EPB41L2: variants seen among roughly 807,000 people sequenced by gnomAD.
EPB41L2 encodes the protein erythrocyte membrane protein band 4.1 like 2.
A neutral mutation model predicts 113.0 loss-of-function variants in EPB41L2; 43 were observed. The ratio of observed to expected loss-of-function variants is 0.38; its 90% CI spans 0.30 to 0.49. The LOEUF is 0.49. EPB41L2 is among the 20% of genes least tolerant of loss of function. The probability of loss-of-function intolerance (pLI) is 0.95; values close to 1 mark genes in which losing one functional copy is unlikely to be tolerated. For synonymous variants in EPB41L2, 442 were observed against 436.7 expected, an observed-to-expected ratio of 1.01 and a Z score of -0.15; for missense variants, 1,147 against 1,223.4, an observed-to-expected ratio of 0.94 and a Z score of 0.93.
At chr6:131,006,778 AC>A (rs2128720183) in intron 1 of EPB41L2, among the ~76,000 whole-genome samples, 1 of 152,032 alleles carries the variant, frequency 6.6e-6, no homozygotes, top group South Asian at 2.1e-4. Context: ...CCTGCCCTAG[AC>A]CTATTACTCT....
At chr6:130,965,079 C>T (rs770966558) in intron 1 of EPB41L2, among the ~76,000 whole-genome samples, 9 of 152,106 alleles carry the variant, frequency 5.9e-5, no homozygotes, top group Non-Finnish European at 1.3e-4. Context: ...AATGGACCAC[C>T]CCTCATGAAT....
At chr6:130,852,124 G>A (rs1194862856) in intron 19 of EPB41L2, among the ~76,000 whole-genome samples, 4 of 152,124 alleles carry the variant, frequency 2.6e-5, no homozygotes, top group African/African-American at 4.8e-5. Flanking sequence ...GTTCATGGCC[G>A]ACCTTGTAAG....
At chr6:130,908,904 G>C (rs1321336750) in intron 4 of EPB41L2, 41 bp from the exon 5 acceptor site, 1 of 1,471,746 alleles carries the variant, frequency 6.8e-7, no homozygotes, top group East Asian at 2.3e-5. Flanking sequence ...AAATATTCTA[G>C]AGTCTAAAAT....
chr6:131,059,059 A>T, intron 1 of EPB41L2, among the ~76,000 whole-genome samples: 1 of 150,554 alleles, frequency 6.6e-6, no homozygotes, highest in Admixed American at 6.7e-5. Context: ...ACTATAAATC[A>T]TTTCTAGATG....
rs534900702 is a variant in EPB41L2 at position 130,902,465 on chromosome 6, G to A, written c.930-1285C>T. On this transcript the variant is annotated intron_variant, in intron 6 of 19. Transcript: ENST00000337057. ...AGGGCTTGCCACATGACAAGTGCTC[G>A]GTAATTGAGAGACTGAAAGTCTTCT... Among the ~76,000 whole-genome samples the A allele has an allele frequency of 7.2e-5, 11 of 152,284 alleles. No homozygotes were observed. In the South Asian group the frequency reaches 1.2e-3, roughly 17 times the overall value.
intron 14 of EPB41L2, among the ~76,000 whole-genome samples, chr6:130,874,543 A>G (rs1178219435): frequency 1.3e-5 from 2 of 152,200 alleles, no homozygotes; most frequent in Non-Finnish European, 2.9e-5. Context: ...ATGTTATTTA[A>G]AGAAAAACAA....
intron 3 of EPB41L2, among the ~76,000 whole-genome samples, chr6:130,937,469 G>A (rs1205776119): frequency 2.0e-5 from 3 of 152,042 alleles, no homozygotes; most frequent in South Asian, 2.1e-4. Context: ...CAAAGACCCA[G>A]ATAGAAAAGC....
intron 3 of EPB41L2, among the ~76,000 whole-genome samples, chr6:130,931,183 T>C (rs1806706570): frequency 6.6e-6 from 1 of 152,064 alleles, no homozygotes. Context: ...CTATAAAACT[T>C]CAAATTAAGA....
chr6:130,916,603 C>T (rs555594454), intron 4 of EPB41L2, among the ~76,000 whole-genome samples: 167 of 152,302 alleles, frequency 1.1e-3, no homozygotes, highest in South Asian at 2.9e-3. Flanking sequence ...CACATGGGCC[C>T]ACTAGGACTC....
At chr6:131,000,463 T>C (rs1412103916) in intron 1 of EPB41L2, among the ~76,000 whole-genome samples, 1 of 152,134 alleles carries the variant, frequency 6.6e-6, no homozygotes, top group Non-Finnish European at 1.5e-5. Context: ...CCAACGCAAC[T>C]ACCAAAAATC....
chr6:130,894,597 CAT>C (rs1173167334), intron 9 of EPB41L2, among the ~76,000 whole-genome samples, 156 bp from the exon 10 acceptor site: 1 of 152,170 alleles, frequency 6.6e-6, no homozygotes, highest in African/African-American at 2.4e-5. Context: ...AGATGAATTT[CAT>C]AGACTGCAAT....
At chr6:131,011,023 C>G (rs1433897795) in intron 1 of EPB41L2, among the ~76,000 whole-genome samples, 1 of 152,160 alleles carries the variant, frequency 6.6e-6, no homozygotes, top group Non-Finnish European at 1.5e-5. Flanking sequence ...GACCATTTTC[C>G]CTGATCCAGT....
At chr6:130,857,326 TTTAA>T (rs1327845161) in intron 19 of EPB41L2, among the ~76,000 whole-genome samples, 2 of 152,198 alleles carry the variant, frequency 1.3e-5, no homozygotes, top group African/African-American at 4.8e-5. Context: ...AGTTTACTCA[TTTAA>T]TTCTCTGCCC....
chr6:130,965,844 T>C (rs955391688), intron 1 of EPB41L2, among the ~76,000 whole-genome samples: 6 of 152,286 alleles, frequency 3.9e-5, no homozygotes, highest in Admixed American at 6.5e-5. Flanking sequence ...TAAACTGGTA[T>C]GGGCCCAGTG....
At chr6:130,953,436 G>A (rs762728510) in intron 3 of EPB41L2, among the ~76,000 whole-genome samples, 18 of 151,968 alleles carry the variant, frequency 1.2e-4, no homozygotes, top group Non-Finnish European at 2.4e-4. Context: ...GGTGTCTTAC[G>A]TGTTCTCACT....
intron 19 of EPB41L2, among the ~76,000 whole-genome samples, chr6:130,849,830 T>A (rs1171114159): frequency 6.6e-6 from 1 of 152,214 alleles, no homozygotes; most frequent in Non-Finnish European, 1.5e-5. Flanking sequence ...TTTTAATGTT[T>A]AATAATGTTT....
chr6:130,997,679 G>A (rs1783459849), intron 1 of EPB41L2, among the ~76,000 whole-genome samples: 1 of 152,142 alleles, frequency 6.6e-6, no homozygotes, highest in African/African-American at 2.4e-5. Flanking sequence ...TCAAAGGAGT[G>A]ACAAAGGCAC....
chr6:130,887,499 A>G (rs1223861720), intron 11 of EPB41L2, among the ~76,000 whole-genome samples: 1 of 152,200 alleles, frequency 6.6e-6, no homozygotes, highest in African/African-American at 2.4e-5. Flanking sequence ...AATAAATAAA[A>G]ACCACATTCT....
chr6:131,055,754 G>C (rs1317424374), intron 1 of EPB41L2, among the ~76,000 whole-genome samples: 1 of 152,150 alleles, frequency 6.6e-6, no homozygotes, highest in Non-Finnish European at 1.5e-5. Flanking sequence ...GCTACTCCAA[G>C]ATGGTGCTGC....
Sources: allele counts gnomAD v4.1 joint callset (sites outside exome capture counted in the v4.1 genomes callset), GRCh38; gene constraint gnomAD v4.1.1; transcripts MANE v1.5; gene names NCBI Gene and HGNC (gene_info 2026-07-23, HGNC 2026-07-21).